LASP1: variants seen among roughly 807,000 people sequenced by gnomAD.
LASP1 encodes the protein LIM and SH3 protein 1.
Under a neutral mutation model 38.6 loss-of-function variants are expected in LASP1, and 10 were observed. The ratio of observed to expected loss-of-function variants is 0.26; its 90% CI spans 0.16 to 0.44. The LOEUF is 0.44. Among genes scored for constraint, LASP1 ranks in the 20% least tolerant of loss-of-function variants. The pLI, the probability that LASP1 is intolerant of heterozygous loss-of-function variation, is 1.00. For missense variants in LASP1, 243 were observed against 375.7 expected (o/e 0.65, Z 2.92); for synonymous variants, 132 against 140.8 (o/e 0.94, Z 0.44).
intron 1 of LASP1, among the ~76,000 whole-genome samples, chr17:38,872,308 A>G (rs1391215681): frequency 6.6e-6 from 1 of 152,098 alleles, no homozygotes; most frequent in East Asian, 1.9e-4. Context: ...CTCCCCTTGG[A>G]AAGACCTTCA....
intron 1 of LASP1, 63 bp from the exon 2 acceptor site, chr17:38,878,023 G>A: frequency 7.8e-7 from 1 of 1,282,944 alleles, no homozygotes; most frequent in East Asian, 2.3e-5. Context: ...CCCTTCCTAG[G>A]GCCTGAGCCC....
intron 1 of LASP1, chr17:38,874,180 G>C (rs1913689649): frequency 1.3e-5 from 2 of 152,596 alleles, no homozygotes; most frequent in African/African-American, 4.8e-5. Flanking sequence ...AAGGGGCAGA[G>C]GTGCATGCCT....
chr17:38,882,323 C>T (rs1913977410), intron 2 of LASP1, among the ~76,000 whole-genome samples: 1 of 152,248 alleles, frequency 6.6e-6, no homozygotes, highest in African/African-American at 2.4e-5. Flanking sequence ...TCTCCGCTCA[C>T]TACAACCTCT....
At chr17:38,871,128 G>A (rs1405823869) in intron 1 of LASP1, among the ~76,000 whole-genome samples, 1 of 150,034 alleles carries the variant, frequency 6.7e-6, no homozygotes, top group African/African-American at 2.5e-5. Context: ...TGGGGAAGCC[G>A]AGGAAAGGGG....
At chr17:38,887,922 C>T (rs566328454) in intron 2 of LASP1, among the ~76,000 whole-genome samples, 1 of 152,242 alleles carries the variant, frequency 6.6e-6, no homozygotes, top group Non-Finnish European at 1.5e-5. Context: ...TCTTAGCTCT[C>T]GAGTGTGTCA....
intron 4 of LASP1, among the ~76,000 whole-genome samples, chr17:38,910,742 A>T (rs866758457): frequency 5.1e-4 from 10 of 19,668 alleles, no homozygotes; most frequent in South Asian, 1.1e-3. Flanking sequence ...ACTTTTTTTT[A>T]AACAGAGTCT....
At chr17:38,902,658 T>G (rs945232275) in intron 4 of LASP1, among the ~76,000 whole-genome samples, 2 of 152,184 alleles carry the variant, frequency 1.3e-5, no homozygotes, top group African/African-American at 4.8e-5. Context: ...CTTCCCAGAT[T>G]AGCACCAAAT....
intron 6 of LASP1, chr17:38,916,047 A>C (rs1915112059): frequency 6.6e-6 from 1 of 152,312 alleles, no homozygotes; most frequent in Non-Finnish European, 1.5e-5. Flanking sequence ...ATAAGGTTCC[A>C]GGCAGCCCAG....
intron 1 of LASP1, among the ~76,000 whole-genome samples, chr17:38,876,923 T>C (rs1567694886): frequency 6.6e-6 from 1 of 151,982 alleles, no homozygotes; most frequent in Non-Finnish European, 1.5e-5. Flanking sequence ...CAGGATGGTC[T>C]CGATCTCTTG....
chr17:38,894,498 A>G (rs1451835206), intron 3 of LASP1, among the ~76,000 whole-genome samples: 2 of 152,116 alleles, frequency 1.3e-5, no homozygotes, highest in Non-Finnish European at 2.9e-5. Context: ...CGTCTGAATA[A>G]TGTGGATTAC....
rs1005360081 is a variant in LASP1 at position 38,913,723 on chromosome 17, C to T, written c.358-602C>T. On this transcript the variant is annotated intron_variant, in intron 4 of 6. Coordinates refer to ENST00000318008, the MANE Select transcript of LASP1 (RefSeq NM_006148.4). ...AGGCATATAAAAGTGACCACTTGGC[C>T]GGTCACGGTGGCTCACGCCTGTAAT... Among the ~76,000 whole-genome samples the T allele has an allele frequency of 3.9e-5, 6 of 152,172 alleles. No homozygotes were observed. In the East Asian group the frequency reaches 5.8e-4, roughly 15 times the overall value.
intron 4 of LASP1, among the ~76,000 whole-genome samples, chr17:38,908,188 G>T (rs537528174): frequency 6.6e-6 from 1 of 152,342 alleles, no homozygotes; most frequent in Non-Finnish European, 1.5e-5. Flanking sequence ...CCCCCTGCTG[G>T]CACCTTCGGG....
chr17:38,914,263 C>T, intron 4 of LASP1, 62 bp from the exon 5 acceptor site: 1 of 1,550,416 alleles, frequency 6.4e-7, no homozygotes, highest in Non-Finnish European at 8.7e-7. Flanking sequence ...TCTTGAGGGT[C>T]ACGGGAAGGA....
chr17:38,903,461 G>A (rs980733342), intron 4 of LASP1, among the ~76,000 whole-genome samples: 3 of 152,178 alleles, frequency 2.0e-5, no homozygotes, highest in African/African-American at 7.2e-5. Context: ...TTGGGCACAA[G>A]TGGTCCTCTC....
intron 3 of LASP1, among the ~76,000 whole-genome samples, chr17:38,895,124 G>A (rs1199344405): frequency 2.0e-5 from 3 of 151,862 alleles, no homozygotes; most frequent in Non-Finnish European, 4.4e-5. Context: ...GCACATAATA[G>A]TGGAAATTGT....
chr17:38,878,137 A>T lies in LASP1; in HGVS notation c.121A>T (p.Met41Leu). Residue 41 changes from methionine (M) to leucine (L), a missense_variant, in exon 2 of 7, where the codon ATG (methionine) becomes TTG (leucine). By Grantham distance (15) the Met-to-Leu change is conservative. Transcript: ENST00000318008. Reference sequence around the variant, plus strand: ...CGAGACCTGCAAGATGACACTGAACATGAAGAACTACAAGGGCTACGAGAA... The same window carrying T: ...CGAGACCTGCAAGATGACACTGAACTTGAAGAACTACAAGGGCTACGAGAA... Reference protein sequence around the residue: ...HCETCKMTLNMKNYKGYEKKP... With the variant: ...HCETCKMTLNLKNYKGYEKKP... 6.2e-7 allele frequency: 1 copy of T among 1,613,948 alleles called. No homozygotes were observed. The highest frequency in any genetic ancestry group is 8.5e-7 in the Non-Finnish European group (1 of 1,179,908).
At chr17:38,915,188 G>A in intron 6 of LASP1, 42 bp downstream of exon 6, 1 of 1,538,808 alleles carries the variant, frequency 6.5e-7, no homozygotes, top group South Asian at 1.1e-5. Flanking sequence ...GAGGCAGGGG[G>A]TCCTTCGGGA....
intron 2 of LASP1, among the ~76,000 whole-genome samples, chr17:38,880,070 A>C (rs1055539444): frequency 6.6e-6 from 1 of 152,220 alleles, no homozygotes; most frequent in South Asian, 2.1e-4. Context: ...GGGCTCACAC[A>C]AGCCCTGGTT....
At chr17:38,881,330 G>A (rs1913943927) in intron 2 of LASP1, among the ~76,000 whole-genome samples, 1 of 152,078 alleles carries the variant, frequency 6.6e-6, no homozygotes, top group South Asian at 2.1e-4. Context: ...AGGCTGGAGT[G>A]CAGTGGAGTG....
Sources: gnomAD v4.1 joint callset for allele counts (sites outside exome capture counted in the v4.1 genomes callset) on GRCh38, gnomAD v4.1.1 for gene constraint, MANE v1.5 for transcripts, NCBI Gene and HGNC (gene_info 2026-07-23, HGNC 2026-07-21) for gene names.